SEPTIN11: variants seen among roughly 807,000 people sequenced by gnomAD.
The protein encoded by SEPTIN11 is septin-11.
A neutral mutation model predicts 51.4 loss-of-function variants in SEPTIN11; 25 were observed. The ratio of observed to expected loss-of-function variants is 0.49; its 90% CI spans 0.35 to 0.68. The LOEUF (loss-of-function observed/expected upper bound fraction) is 0.68. Ranked by LOEUF, SEPTIN11 falls within the 30% of genes least tolerant of loss-of-function variation. The pLI, the probability that SEPTIN11 is intolerant of heterozygous loss-of-function variation, is 0.00. For missense variants in SEPTIN11, 381 were observed against 520.8 expected (o/e 0.73, Z 2.61); for synonymous variants, 174 against 184.1 (o/e 0.95, Z 0.44).
chr4:77,036,386 C>CAA lies in SEPTIN11; in HGVS notation c.*1877_*1878dup, dbSNP rs1727024978. 1 of 1,082,604 alleles carries CAA rather than the reference C, an allele frequency of 9.2e-7. No individual in the cohort carries two copies. Among genetic ancestry groups the CAA allele is most frequent in the African/African-American group, 1.7e-5 (1 of 58,350 alleles). 67.1% of individuals were successfully genotyped at this position (1,082,604 alleles called of 1,614,324 possible). ...ATTTGCTCATAGGCTGTGCATCAGA[C>CAA]AAAAGCTTGAATATTTGTGTTGTAT... On this transcript the variant is annotated 3_prime_UTR_variant, in exon 10 of 10. Coordinates refer to ENST00000264893, the MANE Select transcript of SEPTIN11 (RefSeq NM_018243.4).
intron 7 of SEPTIN11, among the ~76,000 whole-genome samples, chr4:77,023,336 CAT>C (rs1369896224): frequency 2.1e-5 from 3 of 144,866 alleles, no homozygotes; most frequent in African/African-American, 5.0e-5. Flanking sequence ...TTAATTATAT[CAT>C]ATATTACTAA....
chr4:76,953,549 G>C (rs1350351336), intron 1 of SEPTIN11, among the ~76,000 whole-genome samples: 1 of 152,146 alleles, frequency 6.6e-6, no homozygotes, highest in Non-Finnish European at 1.5e-5. Flanking sequence ...TGTGGCCCCA[G>C]ATGGATGGCT....
intron 1 of SEPTIN11, among the ~76,000 whole-genome samples, chr4:76,961,457 C>T (rs926226576): frequency 3.3e-5 from 5 of 152,126 alleles, no homozygotes; most frequent in Admixed American, 2.6e-4. Context: ...GACTGGTAGA[C>T]TAGTACAGAT....
At chr4:77,025,559 A>G (rs1356176570) in intron 7 of SEPTIN11, among the ~76,000 whole-genome samples, 1 of 151,356 alleles carries the variant, frequency 6.6e-6, no homozygotes, top group Non-Finnish European at 1.5e-5. Context: ...AAAAAAAAAG[A>G]TGTAAAATCA....
intron 2 of SEPTIN11, among the ~76,000 whole-genome samples, chr4:76,999,417 G>C (rs1723963695): frequency 6.6e-6 from 1 of 152,148 alleles, no homozygotes; most frequent in South Asian, 2.1e-4. Flanking sequence ...CAGCATCCAT[G>C]GTAACTTTTC....
chr4:76,985,123 G>A (rs1722958417), intron 1 of SEPTIN11: 1 of 152,198 alleles, frequency 6.6e-6, no homozygotes, highest in African/African-American at 2.4e-5. Flanking sequence ...ACTTTCTGCT[G>A]GTCAGCACTT....
At chr4:76,975,162 C>T (rs1173556642) in intron 1 of SEPTIN11, among the ~76,000 whole-genome samples, 4 of 151,768 alleles carry the variant, frequency 2.6e-5, no homozygotes, top group Admixed American at 6.6e-5. Context: ...AAATGTAAGC[C>T]CTTTTAAAAG....
At chr4:76,979,962 ATGG>A (rs1201273921) in intron 1 of SEPTIN11, among the ~76,000 whole-genome samples, 4 of 152,194 alleles carry the variant, frequency 2.6e-5, no homozygotes, top group Non-Finnish European at 4.4e-5. Flanking sequence ...AGCATCAAGC[ATGG>A]TGACCTTTGA....
intron 9 of SEPTIN11, chr4:77,032,115 C>T (rs1272202416): frequency 2.0e-5 from 3 of 152,190 alleles, no homozygotes; most frequent in Non-Finnish European, 4.4e-5. Flanking sequence ...CCTAAGGAAT[C>T]TCATGTTGCC....
intron 1 of SEPTIN11, among the ~76,000 whole-genome samples, chr4:76,970,000 G>A (rs1418472191): frequency 6.6e-6 from 1 of 152,060 alleles, no homozygotes; most frequent in Non-Finnish European, 1.5e-5. Flanking sequence ...CCATACTTCT[G>A]TTCCCTTCAG....
At chr4:76,976,779 A>G (rs889230774) in intron 1 of SEPTIN11, among the ~76,000 whole-genome samples, 2 of 152,142 alleles carry the variant, frequency 1.3e-5, no homozygotes, top group Non-Finnish European at 2.9e-5. Context: ...CCCATTGCAA[A>G]TGTTAGAATC....
intron 1 of SEPTIN11, among the ~76,000 whole-genome samples, chr4:76,966,481 A>G (rs754662443): frequency 6.6e-5 from 10 of 150,572 alleles, no homozygotes; most frequent in Non-Finnish European, 1.2e-4. Context: ...TTTTTTTTTT[A>G]ATGTATAAAG....
At chr4:76,960,723 C>A (rs1183483818) in intron 1 of SEPTIN11, among the ~76,000 whole-genome samples, 1 of 152,150 alleles carries the variant, frequency 6.6e-6, no homozygotes, top group East Asian at 1.9e-4. Flanking sequence ...TTTCCTATTT[C>A]CTGTTCATTA....
intron 3 of SEPTIN11, chr4:77,009,854 A>G (rs1415379205): frequency 6.6e-6 from 1 of 152,286 alleles, no homozygotes; most frequent in Non-Finnish European, 1.5e-5. Context: ...CCTCAGTGTC[A>G]GGAGACAGAA....
Position 77,034,517 on chromosome 4 carries a change from T to C in SEPTIN11, c.*5T>C. On this transcript the variant is annotated 3_prime_UTR_variant, in exon 10 of 10. Transcript: ENST00000264893. ...TGCAGTGCAAGCTTCACATAAAGCC[T>C]GGCAAGCCAAGGATGTTCCCGCATT... 6.4e-7 allele frequency: 1 copy of C among 1,570,852 alleles called. No homozygotes were observed. Among genetic ancestry groups the C allele is most frequent in the Non-Finnish European group, 8.6e-7 (1 of 1,162,196 alleles).
chr4:76,998,818 G>A (rs893950443), intron 2 of SEPTIN11, among the ~76,000 whole-genome samples: 2 of 152,042 alleles, frequency 1.3e-5, no homozygotes, highest in African/African-American at 2.4e-5. Flanking sequence ...AAGGAACAAG[G>A]CATTCCTGAC....
intron 3 of SEPTIN11, chr4:77,009,634 C>G (rs1724722314): frequency 6.6e-6 from 1 of 152,194 alleles, no homozygotes; most frequent in Non-Finnish European, 1.5e-5. Context: ...TGTTATGCTT[C>G]TCATTATCTT....
In SEPTIN11 at chr4:77,018,321, T is replaced by C. The variant is rs188199860; in HGVS notation, c.688-844T>C. Among the ~76,000 whole-genome samples, 672 of 152,126 alleles carry C rather than the reference T, an allele frequency of 4.4e-3. 4 individuals are homozygous for C. The highest frequency in any genetic ancestry group is 0.015 in the African/African-American group (613 of 41,502). ...AAAATTAGCTGGGCATGGTGGCCGGTGCCTGTAGTCCCAGCTATTTGGGAC... is the reference window on the plus strand; with the variant it reads ...AAAATTAGCTGGGCATGGTGGCCGGCGCCTGTAGTCCCAGCTATTTGGGAC... On this transcript the variant is annotated intron_variant, in intron 5 of 9. Coordinates refer to ENST00000264893, the MANE Select transcript of SEPTIN11 (RefSeq NM_018243.4).
intron 1 of SEPTIN11, among the ~76,000 whole-genome samples, chr4:76,978,582 T>A (rs1032500764): frequency 1.3e-5 from 2 of 152,168 alleles, no homozygotes; most frequent in African/African-American, 4.8e-5. Flanking sequence ...TGCACAACCC[T>A]GAGCAGCTTA....
Sources: allele counts gnomAD v4.1 joint callset (sites outside exome capture counted in the v4.1 genomes callset), GRCh38; gene constraint gnomAD v4.1.1; transcripts MANE v1.5; gene names NCBI Gene and HGNC (gene_info 2026-07-23, HGNC 2026-07-21).